TMEM74: variants seen among roughly 807,000 people sequenced by gnomAD.
The protein encoded by TMEM74 is transmembrane protein 74.
TMEM74 carries 13 observed loss-of-function variants against 18.1 expected under a neutral mutation model. The ratio of observed to expected loss-of-function variants is 0.72; its 90% confidence interval spans 0.47 to 1.14. The LOEUF (loss-of-function observed/expected upper bound fraction) is 1.14, where lower values mean the gene tolerates loss of function less well. TMEM74 is among the 50% of genes most tolerant of loss of function. The probability of loss-of-function intolerance (pLI) is 0.00; values close to 1 mark genes in which losing one functional copy is unlikely to be tolerated. For synonymous variants in TMEM74, 159 were observed against 146.6 expected (o/e 1.08, Z -0.61); for missense variants, 372 against 375.9 (o/e 0.99, Z 0.09).
chr8:108,700,130 G>GGGGTGTGT (rs145591230), intron 1 of TMEM74, among the ~76,000 whole-genome samples: 2 of 143,076 alleles, frequency 1.4e-5, no homozygotes, highest in African/African-American at 5.2e-5. Flanking sequence ...GGCCATAAAT[G>GGGGTGTGT]GTGTGTGTGT....
intron 1 of TMEM74, among the ~76,000 whole-genome samples, chr8:108,733,987 T>C (rs1279722553): frequency 6.6e-6 from 1 of 152,206 alleles, no homozygotes; most frequent in Non-Finnish European, 1.5e-5. Flanking sequence ...TAATTTTAGG[T>C]GTCAACCTGA....
chr8:108,611,070 T>G (rs1812329337), intron 2 of TMEM74, among the ~76,000 whole-genome samples: 1 of 152,204 alleles, frequency 6.6e-6, no homozygotes, highest in Admixed American at 6.5e-5. Context: ...ATATGAATCA[T>G]TTAGTCTCTG....
At chr8:108,651,607 A>G (rs910911273) in intron 2 of TMEM74, among the ~76,000 whole-genome samples, 1 of 152,024 alleles carries the variant, frequency 6.6e-6, no homozygotes, top group Non-Finnish European at 1.5e-5. Flanking sequence ...AGGATGAGGC[A>G]GAGGAGTAGA....
chr8:108,670,250 C>T (rs886109433), intron 1 of TMEM74, among the ~76,000 whole-genome samples: 2 of 152,154 alleles, frequency 1.3e-5, no homozygotes, highest in Admixed American at 6.6e-5. Context: ...TTCAGTTCCC[C>T]TATGAACAAA....
chr8:108,667,137 G>T (rs1040845572), intron 1 of TMEM74, among the ~76,000 whole-genome samples: 3 of 152,186 alleles, frequency 2.0e-5, no homozygotes, highest in East Asian at 1.9e-4. Context: ...AGTGGCCAGG[G>T]TCACAGTGGC....
intron 2 of TMEM74, among the ~76,000 whole-genome samples, chr8:108,650,189 T>C (rs1812759908): frequency 6.6e-6 from 1 of 152,190 alleles, no homozygotes; most frequent in Non-Finnish European, 1.5e-5. Context: ...ATCTTCCCCA[T>C]GCCAGGTAAT....
intron 2 of TMEM74, among the ~76,000 whole-genome samples, chr8:108,650,102 A>G (rs1438103819): frequency 1.3e-5 from 2 of 152,108 alleles, no homozygotes. Flanking sequence ...CTTATTACCT[A>G]TGAAACATCT....
intron 1 of TMEM74, among the ~76,000 whole-genome samples, chr8:108,726,029 T>C: frequency 6.6e-6 from 1 of 152,166 alleles, no homozygotes; most frequent in East Asian, 1.9e-4. Flanking sequence ...AAATAAGGAT[T>C]GTAATACACA....
intron 1 of TMEM74, among the ~76,000 whole-genome samples, chr8:108,722,110 T>C (rs1329056883): frequency 6.6e-6 from 1 of 152,222 alleles, no homozygotes; most frequent in Non-Finnish European, 1.5e-5. Context: ...TTTAAGACTA[T>C]GATCAATTTG....
chr8:108,786,139 TA>T (rs1356273849), intron 1 of TMEM74, among the ~76,000 whole-genome samples: 1 of 152,008 alleles, frequency 6.6e-6, no homozygotes, highest in Non-Finnish European at 1.5e-5. Context: ...ACCCACAGAG[TA>T]AGAGTTCTGT....
chr8:108,618,525 A>C (rs544292568), intron 2 of TMEM74, among the ~76,000 whole-genome samples: 1 of 152,272 alleles, frequency 6.6e-6, no homozygotes, highest in South Asian at 2.1e-4. Context: ...TGGTTTGTGT[A>C]CTATATGAAA....
At chr8:108,686,190 T>C (rs1226744475) in intron 1 of TMEM74, among the ~76,000 whole-genome samples, 3 of 152,038 alleles carry the variant, frequency 2.0e-5, no homozygotes, top group African/African-American at 7.2e-5. Flanking sequence ...GAAGTTTTGT[T>C]TTATACTTCT....
chr8:108,687,820 T>C (rs1027364545), intron 1 of TMEM74, among the ~76,000 whole-genome samples: 20 of 152,096 alleles, frequency 1.3e-4, no homozygotes, highest in African/African-American at 4.8e-4. Context: ...AGTGGCTGTA[T>C]ATACAGATGA....
intron 2 of TMEM74, among the ~76,000 whole-genome samples, chr8:108,653,974 A>G (rs999854316): frequency 2.6e-5 from 4 of 152,274 alleles, no homozygotes; most frequent in African/African-American, 9.6e-5. Context: ...CATATATAAT[A>G]TAAAGATGTA....
intron 1 of TMEM74, among the ~76,000 whole-genome samples, chr8:108,701,832 A>C (rs2935798): frequency 1.3e-5 from 2 of 152,016 alleles, no homozygotes; most frequent in Non-Finnish European, 2.9e-5. Context: ...TTTCTCCCCA[A>C]ATTGATCTAT....
At chr8:108,665,097 G>A (rs1202840536) in intron 1 of TMEM74, among the ~76,000 whole-genome samples, 1 of 151,896 alleles carries the variant, frequency 6.6e-6, no homozygotes, top group African/African-American at 2.4e-5. Flanking sequence ...CTGCATGTTA[G>A]ATATAACTTA....
At chr8:108,702,665 A>G (rs555662655) in intron 1 of TMEM74, among the ~76,000 whole-genome samples, 2 of 152,232 alleles carry the variant, frequency 1.3e-5, no homozygotes, top group South Asian at 2.1e-4. Flanking sequence ...TGTTTGTTAC[A>G]TATGTATACA....
At chr8:108,631,862 CT>C (rs1812556035) in intron 2 of TMEM74, among the ~76,000 whole-genome samples, 1 of 152,022 alleles carries the variant, frequency 6.6e-6, no homozygotes, top group Non-Finnish European at 1.5e-5. Flanking sequence ...ATACAAGCCA[CT>C]GGGGGTGTAG....
intron 1 of TMEM74, among the ~76,000 whole-genome samples, chr8:108,670,101 T>C (rs185039694): frequency 3.3e-4 from 50 of 152,166 alleles, no homozygotes; most frequent in African/African-American, 1.2e-3. Flanking sequence ...TCATTTTTTT[T>C]CTGTACTCAG....
Sources: allele counts gnomAD v4.1 joint callset (sites outside exome capture counted in the v4.1 genomes callset), GRCh38; gene constraint gnomAD v4.1.1; transcripts MANE v1.5; gene names NCBI Gene and HGNC (gene_info 2026-07-23, HGNC 2026-07-21).